Variants in NLRC5 observed in about 807,000 individuals in gnomAD.
NLRC5 encodes the protein NLR family CARD domain containing 5.
NLRC5 carries 114 observed loss-of-function variants against 206.9 expected under a neutral mutation model. That is an observed-to-expected ratio of 0.55 (90% CI 0.47 to 0.64). NLRC5 has a LOEUF of 0.64. NLRC5 is among the 30% of genes least tolerant of loss of function. NLRC5 has a pLI of 0.00. For missense variants in NLRC5, 2,008 were observed against 2,305.5 expected (o/e 0.87, Z 2.64); for synonymous variants, 952 against 962.8 (o/e 0.99, Z 0.21).
chr16:56,995,809 A>C (rs2057530930), intron 1 of NLRC5, among the ~76,000 whole-genome samples: 2 of 152,230 alleles, frequency 1.3e-5, no homozygotes, highest in African/African-American at 4.8e-5. Context: ...GAGTTCTTGA[A>C]GGTGTCCTGT....
intron 1 of NLRC5, among the ~76,000 whole-genome samples, chr16:57,016,393 T>C (rs1328572109): frequency 4.6e-5 from 7 of 152,236 alleles, no homozygotes; most frequent in Non-Finnish European, 1.0e-4. Context: ...AACTCTGAGT[T>C]ACATTCCCCG....
chr16:57,058,243 AGCACCAG>A, intron 28 of NLRC5, 95 bp downstream of exon 28: 1 of 1,029,564 alleles, frequency 9.7e-7, no homozygotes, highest in Non-Finnish European at 1.5e-6. Context: ...CATCCCCCAG[AGCACCAG>A]AGGACAAGGA....
intron 14 of NLRC5, among the ~76,000 whole-genome samples, chr16:57,036,939 C>G (rs1333989110): frequency 6.6e-6 from 1 of 152,032 alleles, no homozygotes; most frequent in African/African-American, 2.4e-5. Flanking sequence ...GATGAGAAAA[C>G]TGGGGGTCAG....
chr16:57,036,766 C>T lies in NLRC5; in HGVS notation c.2712-429C>T, dbSNP rs1651669. Reference sequence around the variant, plus strand: ...GGCCTCAGCTTTGGATTTCAATCTTCGCTCTGTCACTTAGTAGCATTGTGA... The same window carrying T: ...GGCCTCAGCTTTGGATTTCAATCTTTGCTCTGTCACTTAGTAGCATTGTGA... On this transcript the variant is annotated intron_variant, in intron 14 of 48. Transcript: ENST00000688547. Among the ~76,000 whole-genome samples, 937 of 151,948 alleles carry T rather than the reference C, an allele frequency of 6.2e-3. 5 individuals are homozygous for T. The highest frequency in any genetic ancestry group is 8.9e-3 in the Non-Finnish European group (605 of 67,986).
intron 1 of NLRC5, among the ~76,000 whole-genome samples, chr16:57,002,505 T>G (rs762616762): frequency 6.6e-6 from 1 of 152,202 alleles, no homozygotes; most frequent in Non-Finnish European, 1.5e-5. Flanking sequence ...TTCCAAATCT[T>G]GGCTATTGTA....
At chr16:57,046,449 G>A (rs2063984995) in intron 21 of NLRC5, 103 bp from the exon 22 acceptor site, 1 of 926,614 alleles carries the variant, frequency 1.1e-6, no homozygotes, top group African/African-American at 1.6e-5. Context: ...TGGGTGATCT[G>A]AACTTTCCTT....
chr16:56,991,567 A>G (rs1486596557), intron 1 of NLRC5, among the ~76,000 whole-genome samples: 1 of 151,164 alleles, frequency 6.6e-6, no homozygotes, highest in Non-Finnish European at 1.5e-5. Flanking sequence ...TTTTTAGTAG[A>G]GATGGGGTTT....
chr16:57,006,444 G>T, intron 1 of NLRC5, among the ~76,000 whole-genome samples: 1 of 95,380 alleles, frequency 1.0e-5, no homozygotes, highest in African/African-American at 3.6e-5. Flanking sequence ...TTTGAGACAG[G>T]GTTTCACTCT....
intron 2 of NLRC5, among the ~76,000 whole-genome samples, chr16:57,019,074 T>C (rs1437915146): frequency 6.6e-6 from 1 of 152,178 alleles, no homozygotes; most frequent in South Asian, 2.1e-4. Flanking sequence ...GTGCCCTCTA[T>C]TGGTACTTCT....
intron 1 of NLRC5, among the ~76,000 whole-genome samples, chr16:57,009,933 T>G (rs187532246): frequency 2.0e-5 from 3 of 152,092 alleles, no homozygotes; most frequent in Admixed American, 2.0e-4. Context: ...GGGGGATGGG[T>G]GGACAGAGAC....
chr16:57,058,870 C>T (rs2066039810), intron 28 of NLRC5, 102 bp from the exon 29 acceptor site: 1 of 992,980 alleles, frequency 1.0e-6, no homozygotes, highest in Admixed American at 1.7e-5. Flanking sequence ...ATGGAGGCTT[C>T]TCTTCTTGGA....
intron 1 of NLRC5, among the ~76,000 whole-genome samples, chr16:56,993,806 T>C (rs1242091301): frequency 2.0e-5 from 3 of 152,204 alleles, no homozygotes; most frequent in African/African-American, 7.2e-5. Context: ...CTTTTCATGT[T>C]AAGGGAATTT....
intron 1 of NLRC5, among the ~76,000 whole-genome samples, chr16:57,011,412 C>CA (rs34846080): frequency 0.017 from 2,071 of 120,526 alleles, 15 homozygotes; most frequent in African/African-American, 0.028. Context: ...GACTCCGTCT[C>CA]AAAAAAAAAA....
intron 45 of NLRC5, 105 bp downstream of exon 45, chr16:57,079,397 C>T: frequency 7.0e-7 from 1 of 1,421,206 alleles, no homozygotes; most frequent in Non-Finnish European, 9.9e-7. Flanking sequence ...GATAGAAGCC[C>T]CAGGGATGGT....
chr16:57,047,621 G>T lies in NLRC5; in HGVS notation c.3415G>T (p.Glu1139Ter). ...ATLKDCPGPLELQLSCEFLSD... is the reference protein window; with the variant it reads ...ATLKDCPGPL ...TCTGAAGGACTGCCCGGGACCCCTG[G>T]AACTGCAGTAAGTAACGAGGACACA... The change falls in exon 23 of 49, where the codon GAA becomes TAA. Residue 1139 changes from glutamate (E) to a stop codon, truncating the protein, a stop_gained. Coordinates refer to ENST00000688547, the MANE Select transcript of NLRC5 (RefSeq NM_001384950.1). LOFTEE classifies it high-confidence loss of function. 6.2e-7 allele frequency: 1 copy of T among 1,612,838 alleles called. No individual in the cohort carries two copies. Among genetic ancestry groups the T allele is most frequent in the Non-Finnish European group, 8.5e-7 (1 of 1,179,476 alleles).
intron 1 of NLRC5, chr16:57,013,651 A>C (rs1265002506): frequency 1.3e-5 from 12 of 938,892 alleles, no homozygotes; most frequent in Non-Finnish European, 2.1e-5. Context: ...CTCCAACTTC[A>C]GCCATTTGAA....
intron 45 of NLRC5, 127 bp downstream of exon 45, chr16:57,079,419 T>C: frequency 7.2e-7 from 1 of 1,379,552 alleles, no homozygotes. Flanking sequence ...GGGGCCTGGC[T>C]CAAGAAAGGA....
rs1278880767 is a variant in NLRC5 at position 57,079,285 on chromosome 16, C to A, written c.5230C>A (p.Gln1744Lys). 2 of 1,613,416 alleles carry A rather than the reference C, an allele frequency of 1.2e-6. No individual in the cohort carries two copies. Among genetic ancestry groups the A allele is most frequent in the East Asian group, 4.5e-5 (2 of 44,882 alleles). Residue 1744 changes from glutamine (Q) to lysine (K), a missense_variant, in exon 45 of 49, where the codon CAG becomes AAG. Transcript: ENST00000688547. Reference sequence around the variant, plus strand: ...CTGTATGGAGCTCCCGCTGCTCAGACAGATAGAGTAAGTAGCCTCCCCTGC... The same window carrying A: ...CTGTATGGAGCTCCCGCTGCTCAGAAAGATAGAGTAAGTAGCCTCCCCTGC... ...RFCMELPLLR[Q>K]IDLVSCKIDN...
At chr16:57,080,368 A>C (rs1453625458) in intron 46 of NLRC5, among the ~76,000 whole-genome samples, 10 of 152,172 alleles carry the variant, frequency 6.6e-5, no homozygotes, top group Non-Finnish European at 1.2e-4. Flanking sequence ...CATATGTTCC[A>C]ACTAGAAGTT....
Sources: gnomAD v4.1 joint callset for allele counts (sites outside exome capture counted in the v4.1 genomes callset) on GRCh38, gnomAD v4.1.1 for gene constraint, MANE v1.5 for transcripts, NCBI Gene and HGNC (gene_info 2026-07-23, HGNC 2026-07-21) for gene names.